Variants in PCDHGA10 observed in about 807,000 individuals in gnomAD.
The protein encoded by PCDHGA10 is protocadherin gamma-A10.
PCDHGA10 carries 42 observed loss-of-function variants against 59.5 expected under a neutral mutation model. The observed-to-expected ratio is 0.71, with a 90% CI of 0.55 to 0.91. The LOEUF is 0.91. PCDHGA10 is among the 40% of genes least tolerant of loss of function. The pLI, the probability that PCDHGA10 is intolerant of heterozygous loss-of-function variation, is 0.00. For synonymous variants in PCDHGA10, 511 were observed against 517.2 expected (o/e 0.99, Z 0.16); for missense variants, 1,111 against 1,198.2 (o/e 0.93, Z 1.07).
chr5:141,486,879 G>A lies in PCDHGA10; in HGVS notation c.2437-7928G>A, dbSNP rs1371072899. 7 of 1,614,228 alleles carry A rather than the reference G, an allele frequency of 4.3e-6. No homozygotes were observed. Among genetic ancestry groups the A allele is most frequent in the Non-Finnish European group, 4.2e-6 (5 of 1,180,046 alleles). On this transcript the variant is annotated intron_variant, in intron 1 of 3. Coordinates refer to ENST00000398610, the MANE Select transcript of PCDHGA10 (RefSeq NM_018913.3). The surrounding 1 kb of genome is among the most constrained non-coding windows in gnomAD (Gnocchi z 5.0). Reference sequence around the variant, plus strand: ...AATGCTCCAGCTGTGCTCCGTCCTCGGGCCCGGCCTGGTTCCTTATGTCCC... The same window carrying A: ...AATGCTCCAGCTGTGCTCCGTCCTCAGGCCCGGCCTGGTTCCTTATGTCCC...
At chr5:141,458,028 G>A (rs1363025110) in intron 1 of PCDHGA10, among the ~76,000 whole-genome samples, 2 of 152,122 alleles carry the variant, frequency 1.3e-5, no homozygotes, top group African/African-American at 4.8e-5. Flanking sequence ...ATTGTGTTCT[G>A]TTGACAAAGA....
At chr5:141,443,467 C>T (rs2098389901) in intron 1 of PCDHGA10, among the ~76,000 whole-genome samples, 2 of 152,156 alleles carry the variant, frequency 1.3e-5, no homozygotes, top group African/African-American at 4.8e-5. Context: ...GTCTGGGTGA[C>T]AGAATTAGAC....
At chr5:141,418,310 G>A in intron 1 of PCDHGA10, 1 of 1,613,990 alleles carries the variant, frequency 6.2e-7, no homozygotes, top group Non-Finnish European at 8.5e-7. Context: ...CCTGGGGATG[G>A]GAACAATTCT....
In PCDHGA10 at chr5:141,491,731, C is replaced by T. The variant is rs1198438920; in HGVS notation, c.2437-3076C>T. ...GGGCTCGGCGCCGCCCCGGGCGACC[C>T]CTGGGGGCGGCACTGGAGAAGCCGC... On this transcript the variant is annotated intron_variant, in intron 1 of 3. Coordinates refer to ENST00000398610, the MANE Select transcript of PCDHGA10 (RefSeq NM_018913.3). The surrounding 1 kb of genome is among the most constrained non-coding windows in gnomAD (Gnocchi z 6.9). 1 of 1,603,678 alleles carries T rather than the reference C, an allele frequency of 6.2e-7. No homozygotes were observed. Among genetic ancestry groups the T allele is most frequent in the Non-Finnish European group, 8.5e-7 (1 of 1,175,748 alleles).
Position 141,415,149 on chromosome 5 carries a change from C to T in PCDHGA10, c.1974C>T (p.Leu658=). Reference sequence around the variant, plus strand: ...TCCAGGACCACGGCCAGCCCCCTCTCTCCGCCACTGTCACGCTCACCGTGG... The same window carrying T: ...TCCAGGACCACGGCCAGCCCCCTCTTTCCGCCACTGTCACGCTCACCGTGG... ...VAVQDHGQPP[L]SATVTLTVAV... is the part of the protein sequence containing the mutation. Residue 658 remains leucine (L), a synonymous_variant, in exon 1 of 4, where the codon CTC becomes CTT. Coordinates refer to ENST00000398610, the MANE Select transcript of PCDHGA10 (RefSeq NM_018913.3). 6.2e-7 allele frequency: 1 copy of T among 1,613,796 alleles called. No homozygotes were observed. Among genetic ancestry groups the T allele is most frequent in the Middle Eastern group, 1.6e-4 (1 of 6,062 alleles).
intron 1 of PCDHGA10, chr5:141,427,254 G>A (rs1013561568): frequency 1.8e-5 from 8 of 456,644 alleles, no homozygotes; most frequent in Non-Finnish European, 2.6e-5. Flanking sequence ...GGATGGTGGA[G>A]GCATGACCAG....
chr5:141,478,396 G>T (rs150499152), intron 1 of PCDHGA10: 2 of 1,613,446 alleles, frequency 1.2e-6, no homozygotes, highest in African/African-American at 2.7e-5. Flanking sequence ...ACCATCAGGT[G>T]TATCTCACCA....
At chr5:141,422,566 A>G (rs2096656660) in intron 1 of PCDHGA10, 1 of 1,614,020 alleles carries the variant, frequency 6.2e-7, no homozygotes, top group Non-Finnish European at 8.5e-7. Flanking sequence ...GGCAGATGAC[A>G]ACGATAACCC....
chr5:141,448,912 T>C (rs1195715286), intron 1 of PCDHGA10, among the ~76,000 whole-genome samples: 1 of 152,152 alleles, frequency 6.6e-6, no homozygotes, highest in Non-Finnish European at 1.5e-5. Flanking sequence ...GCCACTGCAC[T>C]CCAGCCTGGG....
rs376661062 is a variant in PCDHGA10, at chr5:141,432,185, G to T, written c.2436+16574G>T. 6.2e-6 allele frequency: 10 copies of T among 1,613,956 alleles called. No individual in the cohort carries two copies. The highest frequency in any genetic ancestry group is 8.5e-6 in the Non-Finnish European group (10 of 1,180,030). ...AGGAGTTTCCCTCGTCTCTGTGACC[G>T]CCCACGACCCCGACTGTGAAGAGAA... On this transcript the variant is annotated intron_variant, in intron 1 of 3. Coordinates refer to ENST00000398610, the MANE Select transcript of PCDHGA10 (RefSeq NM_018913.3). The surrounding 1 kb of genome is among the most constrained non-coding windows in gnomAD (Gnocchi z 6.0).
chr5:141,419,006 A>G (rs2096312225), intron 1 of PCDHGA10: 1 of 1,614,006 alleles, frequency 6.2e-7, no homozygotes. Context: ...TGGGGAAGTC[A>G]GGTGTAGCTT....
intron 1 of PCDHGA10, among the ~76,000 whole-genome samples, chr5:141,446,322 C>A (rs1561922470): frequency 2.0e-5 from 3 of 151,968 alleles, no homozygotes; most frequent in South Asian, 4.1e-4. Flanking sequence ...TGGGTTTCCA[C>A]ATTAAGGAAC....
In PCDHGA10 at chr5:141,476,089, C is replaced by A; in HGVS notation, c.2437-18718C>A. 1 of 1,560,716 alleles carries A rather than the reference C, an allele frequency of 6.4e-7. No individual in the cohort carries two copies. The highest frequency in any genetic ancestry group is 8.6e-7 in the Non-Finnish European group (1 of 1,158,372). On this transcript the variant is annotated intron_variant, in intron 1 of 3. Coordinates refer to ENST00000398610, the MANE Select transcript of PCDHGA10 (RefSeq NM_018913.3). This position sits in a 1 kb window ranked among gnomAD's most constrained non-coding sequence, Gnocchi z 7.6. ...CGAAATCTCAGGGACGATCTGGACC[C>A]CGCTGAGAGGAACTGCTTTTGAGTG...
chr5:141,438,621 TATATATATATATATACACACAC>T (rs2098027070), intron 1 of PCDHGA10, among the ~76,000 whole-genome samples: 1 of 41,368 alleles, frequency 2.4e-5, no homozygotes, highest in Non-Finnish European at 4.0e-5. Flanking sequence ...TATATATATA[TATATATATATATATACACACAC>T]ACACACACAT....
rs188916402 is a variant in PCDHGA10, at chr5:141,473,975, G to A, written c.2437-20832G>A. 4.6e-5 allele frequency among the ~76,000 whole-genome samples: 7 copies of A among 152,222 alleles called. No homozygotes were observed. The East Asian group carries it at 7.7e-4, about 17-fold the overall frequency. ...TCCCATCTACTTAGAAGTCTGAGGCGGGAGGATCCCTTGAGCCCAAGGAGC... is the reference window on the plus strand; with the variant it reads ...TCCCATCTACTTAGAAGTCTGAGGCAGGAGGATCCCTTGAGCCCAAGGAGC... On this transcript the variant is annotated intron_variant, in intron 1 of 3. Transcript: ENST00000398610.
intron 3 of PCDHGA10, chr5:141,507,335 T>A (rs1228652205): frequency 6.6e-6 from 1 of 151,804 alleles, no homozygotes; most frequent in Non-Finnish European, 1.5e-5. Context: ...TGCTCATTGT[T>A]TACCTGAAAT....
intron 1 of PCDHGA10, chr5:141,478,712 G>A (rs1160573848): frequency 3.2e-6 from 5 of 1,547,048 alleles, no homozygotes; most frequent in Non-Finnish European, 4.4e-6. Flanking sequence ...TTTGTGAGAT[G>A]GTGGCCTGCC....
In PCDHGA10 at chr5:141,415,478, G is replaced by C; in HGVS notation, c.2303G>C (p.Arg768Pro). 1 of 1,614,082 alleles carries C rather than the reference G, an allele frequency of 6.2e-7. No individual in the cohort carries two copies. The highest frequency in any genetic ancestry group is 8.5e-7 in the Non-Finnish European group (1 of 1,179,950). ...GAGGTCTCTCTCACCGCGGACTCGCGAAAGAGTCACCTGATCTTCCCCCAG... is the reference window on the plus strand; with the variant it reads ...GAGGTCTCTCTCACCGCGGACTCGCCAAAGAGTCACCTGATCTTCCCCCAG... ...SHEVSLTADS[R>P]KSHLIFPQPN... is the part of the protein sequence containing the mutation. The change falls in exon 1 of 4, where the codon CGA becomes CCA. Residue 768 changes from arginine (R) to proline (P), a missense_variant. Transcript: ENST00000398610.
chr5:141,422,165 A>G (rs771382434), intron 1 of PCDHGA10: 3 of 1,569,306 alleles, frequency 1.9e-6, no homozygotes, highest in Admixed American at 4.0e-5. Flanking sequence ...TTTGAAAAAT[A>G]TAGATTCTAT....
Sources: gnomAD v4.1 joint callset for allele counts (sites outside exome capture counted in the v4.1 genomes callset) on GRCh38, gnomAD v4.1.1 for gene constraint, Gnocchi (gnomAD v3.1) non-coding constraint, MANE v1.5 for transcripts, NCBI Gene and HGNC (gene_info 2026-07-23, HGNC 2026-07-21) for gene names.